The following PPFIBP2 variants were observed in gnomAD, a reference collection of about 807,000 sequenced individuals.
The protein encoded by PPFIBP2 is PPFIB scaffold protein 2.
PPFIBP2 carries 118 observed loss-of-function variants against 118.3 expected under a neutral mutation model. The observed-to-expected ratio is 1.00, with a 90% confidence interval of 0.86 to 1.16. The LOEUF is 1.16. Among genes scored for constraint, PPFIBP2 ranks in the 50% most tolerant of loss-of-function variants. The pLI, the probability that PPFIBP2 is intolerant of heterozygous loss-of-function variation, is 0.00. For missense variants in PPFIBP2, 1,195 were observed against 1,073.1 expected, an observed-to-expected ratio of 1.11 and a Z score of -1.59; for synonymous variants, 414 against 397.4, an observed-to-expected ratio of 1.04 and a Z score of -0.50.
rs537974036 is a variant in PPFIBP2 at position 7,518,230 on chromosome 11, G to A, written c.-37+4109G>A. On this transcript the variant is annotated intron_variant, in intron 1 of 23. Coordinates refer to ENST00000299492, the MANE Select transcript of PPFIBP2 (RefSeq NM_003621.5). ...TCGTCAAGCTTCTGAAGCTTGCACCGAATATCGGGAATGGATTGGGAGATG... is the reference window on the plus strand; with the variant it reads ...TCGTCAAGCTTCTGAAGCTTGCACCAAATATCGGGAATGGATTGGGAGATG... 6.6e-5 allele frequency among the ~76,000 whole-genome samples: 10 copies of A among 152,316 alleles called. No individual in the cohort carries two copies. In the South Asian group the frequency reaches 8.3e-4, roughly 13 times the overall value.
intron 2 of PPFIBP2, among the ~76,000 whole-genome samples, chr11:7,555,778 G>C (rs7121051): frequency 0.043 from 6,563 of 152,232 alleles, 167 homozygotes; most frequent in African/African-American, 0.079. Flanking sequence ...GTCCTTTATG[G>C]AACTGTGCCT....
Position 7,646,671 on chromosome 11 carries a change from G to T in PPFIBP2, c.1647-1716G>T, listed in dbSNP as rs1853115169. Among the ~76,000 whole-genome samples, 4 of 152,156 alleles carry T rather than the reference G, an allele frequency of 2.6e-5. No individual in the cohort carries two copies. The South Asian group carries it at 8.3e-4, about 32-fold the overall frequency. Reference sequence around the variant, plus strand: ...GCCCAGGAGCTCAAGGCTGTAATAAGCTGTAATTACATCACTACACTCCAG... The same window carrying T: ...GCCCAGGAGCTCAAGGCTGTAATAATCTGTAATTACATCACTACACTCCAG... On this transcript the variant is annotated intron_variant, in intron 17 of 23. Coordinates refer to ENST00000299492, the MANE Select transcript of PPFIBP2 (RefSeq NM_003621.5).
At chr11:7,624,518 G>A (rs1161554239) in intron 7 of PPFIBP2, among the ~76,000 whole-genome samples, 2 of 152,160 alleles carry the variant, frequency 1.3e-5, no homozygotes, top group African/African-American at 2.4e-5. Context: ...GGGCCTTTGT[G>A]GAATTGAACA....
At chr11:7,625,609 G>T (rs1849890141) in intron 7 of PPFIBP2, among the ~76,000 whole-genome samples, 168 bp from the exon 8 acceptor site, 1 of 152,240 alleles carries the variant, frequency 6.6e-6, no homozygotes, top group African/African-American at 2.4e-5. Flanking sequence ...AGTTCACTCA[G>T]CAGAGTTCCA....
At position 7,530,256 on chromosome 11, in the gene PPFIBP2, A is replaced by G. The variant is rs1248028849; in HGVS notation, c.-37+16135A>G. On this transcript the variant is annotated intron_variant, in intron 1 of 23. Coordinates refer to ENST00000299492, the MANE Select transcript of PPFIBP2 (RefSeq NM_003621.5). ...CCTGTGTAAGGCAGATATTATATCC[A>G]TTACATAGTAACCTGAGAGGTTAAT... Among the ~76,000 whole-genome samples the G allele has an allele frequency of 5.3e-5, 8 of 152,032 alleles. No individual in the cohort carries two copies. In the South Asian group the frequency reaches 1.7e-3, roughly 32 times the overall value.
At chr11:7,568,858 A>G (rs1250178559) in intron 3 of PPFIBP2, 2 of 152,246 alleles carry the variant, frequency 1.3e-5, no homozygotes, top group Non-Finnish European at 2.9e-5. Context: ...GTTAAGTGTA[A>G]AAGAAATAGA....
chr11:7,638,992 G>GGT lies in PPFIBP2; in HGVS notation c.1237-731_1237-730dup, dbSNP rs563886553. 2.3e-4 allele frequency among the ~76,000 whole-genome samples: 35 copies of GGT among 152,236 alleles called. No homozygotes were observed. In the East Asian group the frequency reaches 6.4e-3, roughly 28 times the overall value. The stretch of plus-strand genomic sequence containing the variant: ...ATTTCTTGTTGTCAGCTCCCCCAAG[G>GGT]GTGTGTGTGTATCTTCATGCTTGCC... On this transcript the variant is annotated intron_variant, in intron 14 of 23. Coordinates refer to ENST00000299492, the MANE Select transcript of PPFIBP2 (RefSeq NM_003621.5).
rs1851902026 is a variant in PPFIBP2, at chr11:7,639,753, C to T, written c.1258C>T (p.His420Tyr). 1 of 1,614,028 alleles carries T rather than the reference C, an allele frequency of 6.2e-7. No individual in the cohort carries two copies. Among genetic ancestry groups the T allele is most frequent in the East Asian group, 2.2e-5 (1 of 44,892 alleles). The change falls in exon 15 of 24, where the codon CAC becomes TAC. Residue 420 changes from histidine to tyrosine, a missense_variant. Transcript: ENST00000299492. ...ATAGGACAGCCCTTTCTTGGCGGAG[C>T]ACAAATATCCCACTTTACCTGGGAA... The part of the protein sequence containing the change: ...EPKDSPFLAE[H>Y]KYPTLPGKLS...
Position 7,653,573 on chromosome 11 carries a change from G to T in PPFIBP2, c.*355G>T. 1.5e-6 allele frequency: 2 copies of T among 1,308,110 alleles called. No homozygotes were observed. The highest frequency in any genetic ancestry group is 2.0e-6 in the Non-Finnish European group (2 of 1,001,808). 81.0% of individuals were successfully genotyped at this position (1,308,110 alleles called of 1,614,324 possible). ...ACACTCCCACGAGGCTCAGCTCTCA[G>T]GCACCCCCTACACTTCAGTTGAGGG... is the stretch of plus-strand genomic sequence containing the variant. On this transcript the variant is annotated 3_prime_UTR_variant, in exon 24 of 24. Transcript: ENST00000299492.
intron 4 of PPFIBP2, 74 bp downstream of exon 4, chr11:7,593,298 G>A: frequency 6.5e-7 from 1 of 1,544,704 alleles, no homozygotes; most frequent in Non-Finnish European, 8.7e-7. Context: ...TGGAAGGGAA[G>A]CCCAAGAGAT....
At chr11:7,528,298 T>C (rs909983319) in intron 1 of PPFIBP2, among the ~76,000 whole-genome samples, 7 of 152,124 alleles carry the variant, frequency 4.6e-5, no homozygotes, top group African/African-American at 9.7e-5. Flanking sequence ...TGCATACACA[T>C]ATATATTTAG....
At chr11:7,607,315 C>T (rs944385937) in intron 5 of PPFIBP2, among the ~76,000 whole-genome samples, 1 of 151,150 alleles carries the variant, frequency 6.6e-6, no homozygotes, top group Admixed American at 6.6e-5. Context: ...TCAATCAATC[C>T]TCCCACCTCA....
chr11:7,597,139 G>C (rs1860475637), intron 4 of PPFIBP2: 1 of 1,435,990 alleles, frequency 7.0e-7, no homozygotes, highest in African/African-American at 1.4e-5. Context: ...AGAGAGGTAA[G>C]GTCATTGGTT....
chr11:7,549,773 C>G (rs914133732), intron 2 of PPFIBP2, among the ~76,000 whole-genome samples: 10 of 152,016 alleles, frequency 6.6e-5, no homozygotes, highest in Non-Finnish European at 1.5e-4. Flanking sequence ...TGTGGATGTA[C>G]CTACCATCTA....
chr11:7,593,542 C>G (rs1254821378), intron 4 of PPFIBP2, among the ~76,000 whole-genome samples: 1 of 152,176 alleles, frequency 6.6e-6, no homozygotes, highest in Non-Finnish European at 1.5e-5. Flanking sequence ...GCCCTGTCCC[C>G]CAGAAGCTCC....
chr11:7,640,294 C>T (rs1851998054), intron 15 of PPFIBP2, among the ~76,000 whole-genome samples: 1 of 152,158 alleles, frequency 6.6e-6, no homozygotes, highest in African/African-American at 2.4e-5. Context: ...TTCTTCTCTG[C>T]AGCTTCCCTA....
intron 14 of PPFIBP2, among the ~76,000 whole-genome samples, chr11:7,638,101 G>A (rs543766637): frequency 4.5e-4 from 69 of 152,244 alleles, no homozygotes; most frequent in African/African-American, 1.6e-3. Context: ...GTGGTTCCTG[G>A]GTCTGACTGC....
intron 1 of PPFIBP2, among the ~76,000 whole-genome samples, chr11:7,530,167 C>A (rs1354380673): frequency 6.6e-6 from 1 of 152,198 alleles, no homozygotes; most frequent in Non-Finnish European, 1.5e-5. Context: ...GTGTTACATA[C>A]TTACTGGGCC....
chr11:7,565,740 C>T lies in PPFIBP2; in HGVS notation c.252C>T (p.Tyr84=). The T allele has an allele frequency of 6.2e-7, 1 of 1,614,152 alleles. No homozygotes were observed. Among genetic ancestry groups the T allele is most frequent in the Non-Finnish European group, 8.5e-7 (1 of 1,180,032 alleles). ...LSQIPGPTAA[Y]IKEWFEESLS... ...AGATCCCTGGCCCAACAGCTGCCTA[C>T]ATAAAGGAATGGTTTGAAGAGAGCT... The change falls in exon 3 of 24, where the codon TAC becomes TAT. Residue 84 remains tyrosine (Y), a synonymous_variant. Transcript: ENST00000299492.
Sources: allele counts gnomAD v4.1 joint callset (sites outside exome capture counted in the v4.1 genomes callset), GRCh38; gene constraint gnomAD v4.1.1; transcripts MANE v1.5; gene names NCBI Gene and HGNC (gene_info 2026-07-23, HGNC 2026-07-21).